LRRC4C: variants seen among roughly 807,000 people sequenced by gnomAD.
LRRC4C encodes leucine-rich repeat-containing protein 4C.
In LRRC4C, 5 loss-of-function variants were observed where a neutral mutation model predicts 33.6. The ratio of observed to expected loss-of-function variants is 0.15; its 90% CI spans 0.08 to 0.31. LRRC4C has a LOEUF of 0.31. Ranked by LOEUF, LRRC4C falls within the 10% of genes least tolerant of loss-of-function variation. LRRC4C has a pLI of 1.00. For missense variants in LRRC4C, 560 were observed against 796.7 expected (o/e 0.70, Z 3.58); for synonymous variants, 329 against 302.0 (o/e 1.09, Z -0.93).
At chr11:40,372,635 C>A (rs1471808476) in intron 3 of LRRC4C, among the ~76,000 whole-genome samples, 1 of 152,186 alleles carries the variant, frequency 6.6e-6, no homozygotes, top group Non-Finnish European at 1.5e-5. Flanking sequence ...ATTCAGCTAA[C>A]ACCCCAGTCA....
rs371461809 is a variant in LRRC4C, at chr11:40,122,952, T to TACACACACACAC, written c.-42-6630_-42-6619dup. Among the ~76,000 whole-genome samples, 480 of 140,384 alleles carry TACACACACACAC rather than the reference T, an allele frequency of 3.4e-3. 1 individual carries two copies. Among genetic ancestry groups the TACACACACACAC allele is most frequent in the South Asian group, 0.014 (58 of 4,134 alleles). 92.1% of individuals were successfully genotyped at this position (140,384 alleles called of 152,430 possible). A position where few individuals can be genotyped will look rare whatever the true frequency, so the allele number is the denominator to read the frequency against. On this transcript the variant is annotated intron_variant, in intron 6 of 6. Coordinates refer to ENST00000528697, the MANE Select transcript of LRRC4C (RefSeq NM_001258419.2). ...AAGTGTATGTGTATATATATATTTA[T>TACACACACACAC]ACACACACACACACACACACACACA...
At chr11:41,174,474 A>C (rs1057434404) in intron 1 of LRRC4C, among the ~76,000 whole-genome samples, 6 of 152,136 alleles carry the variant, frequency 3.9e-5, no homozygotes, top group Non-Finnish European at 8.8e-5. Flanking sequence ...TAGTGTAAGA[A>C]AATAATAAAT....
At chr11:40,724,305 A>G (rs1947179925) in intron 2 of LRRC4C, among the ~76,000 whole-genome samples, 1 of 152,178 alleles carries the variant, frequency 6.6e-6, no homozygotes, top group African/African-American at 2.4e-5. Flanking sequence ...CAGAATACAC[A>G]TTCTTCTCTT....
intron 1 of LRRC4C, among the ~76,000 whole-genome samples, chr11:41,058,554 C>T (rs1416019300): frequency 6.6e-6 from 1 of 152,204 alleles, no homozygotes; most frequent in Non-Finnish European, 1.5e-5. Context: ...GTGCCACTGG[C>T]CACAGAGGTT....
chr11:40,878,243 AT>A (rs1443315248), intron 2 of LRRC4C, among the ~76,000 whole-genome samples: 1 of 152,162 alleles, frequency 6.6e-6, no homozygotes, highest in African/African-American at 2.4e-5. Flanking sequence ...ATTAAAGTAC[AT>A]CAACTCACCT....
chr11:40,317,755 C>A (rs934148331), intron 4 of LRRC4C, among the ~76,000 whole-genome samples: 1 of 152,098 alleles, frequency 6.6e-6, no homozygotes, highest in African/African-American at 2.4e-5. Flanking sequence ...TACAACACTA[C>A]GCTACTCTTT....
intron 1 of LRRC4C, among the ~76,000 whole-genome samples, chr11:41,070,078 C>A (rs1483323087): frequency 6.6e-6 from 1 of 151,980 alleles, no homozygotes; most frequent in Non-Finnish European, 1.5e-5. Flanking sequence ...ACATATAGAC[C>A]AATGGAACAA....
Position 40,497,304 on chromosome 11 carries a change from T to C in LRRC4C, c.-270+150838A>G, listed in dbSNP as rs186552673. ...CTGTATTCCCAGCTACTTCGGAGGC[T>C]GAGGCAGGAGAATCGCTTGAATCTG... On this transcript the variant is annotated intron_variant, in intron 3 of 6. Coordinates refer to ENST00000528697, the MANE Select transcript of LRRC4C (RefSeq NM_001258419.2). Among the ~76,000 whole-genome samples, 194 of 152,090 alleles carry C rather than the reference T, an allele frequency of 1.3e-3. 1 individual carries two copies. The highest frequency in any genetic ancestry group is 4.5e-3 in the African/African-American group (188 of 41,470).
chr11:40,233,417 A>G (rs970312498), intron 5 of LRRC4C, among the ~76,000 whole-genome samples: 2 of 152,234 alleles, frequency 1.3e-5, no homozygotes, highest in Non-Finnish European at 2.9e-5. Context: ...AAAACAATAT[A>G]TGCTCTCTTA....
At chr11:41,043,951 G>C (rs182117395) in intron 1 of LRRC4C, among the ~76,000 whole-genome samples, 7 of 151,830 alleles carry the variant, frequency 4.6e-5, no homozygotes, top group Admixed American at 4.6e-4. Context: ...TTGAAAGAGA[G>C]GTAAAGTGGC....
At chr11:40,165,709 G>A (rs937643069) in intron 5 of LRRC4C, among the ~76,000 whole-genome samples, 1 of 152,192 alleles carries the variant, frequency 6.6e-6, no homozygotes, top group Non-Finnish European at 1.5e-5. Context: ...TCTTTGGGAG[G>A]CCAAGGTGGG....
intron 2 of LRRC4C, among the ~76,000 whole-genome samples, chr11:40,873,050 T>A (rs1400713502): frequency 6.6e-6 from 1 of 152,152 alleles, no homozygotes; most frequent in African/African-American, 2.4e-5. Context: ...GACTAGATAG[T>A]ATTGAGAATA....
chr11:41,127,550 A>G lies in LRRC4C; in HGVS notation c.-495-193827T>C, dbSNP rs113796963. Among the ~76,000 whole-genome samples, 1,234 of 152,264 alleles carry G rather than the reference A, an allele frequency of 8.1e-3. 16 individuals are homozygous for G. Among genetic ancestry groups the G allele is most frequent in the African/African-American group, 0.027 (1,135 of 41,560 alleles). ...AATTAATATTATTACATAGTGTAGT[A>G]GATATTATTATTCACCAAAATATAT... On this transcript the variant is annotated intron_variant, in intron 1 of 6. Coordinates refer to ENST00000528697, the MANE Select transcript of LRRC4C (RefSeq NM_001258419.2).
intron 1 of LRRC4C, among the ~76,000 whole-genome samples, chr11:41,012,591 A>G (rs1855286634): frequency 6.6e-6 from 1 of 152,136 alleles, no homozygotes; most frequent in Non-Finnish European, 1.5e-5. Context: ...TTTCTTTTGA[A>G]TATATGCCCA....
At chr11:41,242,998 C>T (rs1948313220) in intron 1 of LRRC4C, among the ~76,000 whole-genome samples, 1 of 152,166 alleles carries the variant, frequency 6.6e-6, no homozygotes, top group Middle Eastern at 3.4e-3. Context: ...AAATTCTATC[C>T]CTGTTTTTGA....
At chr11:40,684,905 T>C (rs1008037935) in intron 2 of LRRC4C, among the ~76,000 whole-genome samples, 5 of 151,968 alleles carry the variant, frequency 3.3e-5, no homozygotes, top group African/African-American at 1.2e-4. Flanking sequence ...AGATAATTTG[T>C]AATATAATAG....
At chr11:41,398,532 A>G (rs1953907133) in intron 1 of LRRC4C, among the ~76,000 whole-genome samples, 1 of 151,906 alleles carries the variant, frequency 6.6e-6, no homozygotes. Flanking sequence ...TAGAAATGCA[A>G]ACAGGAATGG....
intron 2 of LRRC4C, among the ~76,000 whole-genome samples, chr11:40,650,955 A>G (rs1942760537): frequency 6.6e-6 from 1 of 152,124 alleles, no homozygotes; most frequent in African/African-American, 2.4e-5. Context: ...TAAACTGCAC[A>G]AGTGCCCCCT....
chr11:41,313,694 G>A (rs1461084346), intron 1 of LRRC4C, among the ~76,000 whole-genome samples: 2 of 152,170 alleles, frequency 1.3e-5, no homozygotes, highest in Admixed American at 1.3e-4. Flanking sequence ...TAACAGACAG[G>A]CTTTAAGACT....
Sources: gnomAD v4.1 joint callset for allele counts (sites outside exome capture counted in the v4.1 genomes callset) on GRCh38, gnomAD v4.1.1 for gene constraint, MANE v1.5 for transcripts, NCBI Gene and HGNC (gene_info 2026-07-23, HGNC 2026-07-21) for gene names.